PRDM16: variants seen among roughly 807,000 people sequenced by gnomAD.
PRDM16 encodes PR/SET domain 16.
In PRDM16, 23 loss-of-function variants were observed where a neutral mutation model predicts 110.6. That is an observed-to-expected ratio of 0.21 (90% CI 0.15 to 0.29). The LOEUF is 0.29. Among genes scored for constraint, PRDM16 ranks in the 10% least tolerant of loss-of-function variants. The probability of loss-of-function intolerance (pLI) is 1.00; values close to 1 mark genes in which losing one functional copy is unlikely to be tolerated. For synonymous variants in PRDM16, 799 were observed against 781.8 expected (o/e 1.02, Z -0.37); for missense variants, 1,615 against 1,794.3 (o/e 0.90, Z 1.81).
intron 3 of PRDM16, among the ~76,000 whole-genome samples, chr1:3,355,399 C>T (rs1230791960): frequency 1.3e-5 from 2 of 152,172 alleles, no homozygotes; most frequent in East Asian, 1.9e-4. Context: ...ATTTCTTCAG[C>T]CTGGCGGGGG....
At chr1:3,123,060 G>T (rs1464108665) in intron 1 of PRDM16, among the ~76,000 whole-genome samples, 1 of 152,258 alleles carries the variant, frequency 6.6e-6, no homozygotes, top group African/African-American at 2.4e-5. Flanking sequence ...AGAAGTCAGT[G>T]TTCTTCGGTG....
Position 3,425,555 on chromosome 1 carries a change from C to T in PRDM16, c.2940-26C>T, listed in dbSNP as rs1369257157. On this transcript the variant is annotated intron_variant, in intron 12 of 16. Transcript: ENST00000270722. This position sits in a 1 kb window ranked among gnomAD's most constrained non-coding sequence, Gnocchi z 6.9. ...CTGCCATGCAGAGCCGGGGCCTGCA[C>T]TGAGGAGCGCGTGTGCCCCTTCCAG... The T allele has an allele frequency of 5.0e-6, 8 of 1,611,014 alleles. No homozygotes were observed. In the South Asian group the frequency reaches 7.7e-5, roughly 16 times the overall value.
At chr1:3,126,047 G>A (rs536060640) in intron 1 of PRDM16, among the ~76,000 whole-genome samples, 2 of 152,330 alleles carry the variant, frequency 1.3e-5, no homozygotes, top group Middle Eastern at 3.4e-3. Flanking sequence ...TGCATTGATC[G>A]GGCTGGCTCG....
At chr1:3,117,361 A>G (rs985403236) in intron 1 of PRDM16, among the ~76,000 whole-genome samples, 7 of 152,156 alleles carry the variant, frequency 4.6e-5, no homozygotes, top group Non-Finnish European at 8.8e-5. Flanking sequence ...GATGGGGCCA[A>G]TTGGAACCAG....
intron 1 of PRDM16, among the ~76,000 whole-genome samples, chr1:3,171,512 A>C (rs1000541765): frequency 8.5e-5 from 13 of 152,162 alleles, no homozygotes; most frequent in African/African-American, 3.1e-4. Flanking sequence ...AGAGGTGGCC[A>C]TCCCAGGGTC....
chr1:3,273,696 G>A (rs907948455), intron 3 of PRDM16, among the ~76,000 whole-genome samples: 1 of 151,852 alleles, frequency 6.6e-6, no homozygotes, highest in Non-Finnish European at 1.5e-5. Flanking sequence ...CATGTGGCAG[G>A]TGTGTGTGCA....
rs114492844 is a variant in PRDM16 at position 3,194,204 on chromosome 1, G to A, written c.387+7730G>A. Among the ~76,000 whole-genome samples, 263 of 152,350 alleles carry A rather than the reference G, an allele frequency of 1.7e-3. 1 individual carries two copies. Among genetic ancestry groups the A allele is most frequent in the Non-Finnish European group, 3.2e-3 (219 of 68,034 alleles). On this transcript the variant is annotated intron_variant, in intron 2 of 16. Transcript: ENST00000270722. ...TGCAACGCTCAGTGCACACTGGGGG[G>A]CTATTTAGGATGGTTGTTGAGGGCA...
chr1:3,365,735 C>G (rs572488033), intron 3 of PRDM16, among the ~76,000 whole-genome samples: 1 of 152,226 alleles, frequency 6.6e-6, no homozygotes, highest in Non-Finnish European at 1.5e-5. Flanking sequence ...GCCGCGGCCT[C>G]GTTTCCATTC....
At position 3,290,589 on chromosome 1, in the gene PRDM16, G is replaced by A. The variant is rs1190077557; in HGVS notation, c.438+46452G>A. ...GAGGTGGCATCACTGAAGAAGCCCC[G>A]TGGCTCCGGCTCCGTCTGCAGGATC... On this transcript the variant is annotated intron_variant, in intron 3 of 16. Transcript: ENST00000270722. This position sits in a 1 kb window ranked among gnomAD's most constrained non-coding sequence, Gnocchi z 4.8. 6.6e-6 allele frequency among the ~76,000 whole-genome samples: 1 copy of A among 152,196 alleles called. No individual in the cohort carries two copies. The highest frequency in any genetic ancestry group is 2.4e-5 in the African/African-American group (1 of 41,458).
intron 1 of PRDM16, among the ~76,000 whole-genome samples, chr1:3,096,398 C>T (rs1183824706): frequency 6.6e-6 from 1 of 152,164 alleles, no homozygotes; most frequent in South Asian, 2.1e-4. Flanking sequence ...CACGCTCTCC[C>T]CTGGCCAAGT....
chr1:3,215,426 T>TGGGTCC (rs1557534853), intron 2 of PRDM16, among the ~76,000 whole-genome samples: 1 of 82,766 alleles, frequency 1.2e-5, no homozygotes, highest in African/African-American at 1.0e-4. Context: ...GCAAGGCCTA[T>TGGGTCC]TGGGGTCCAG....
At chr1:3,357,712 T>A (rs1642636301) in intron 3 of PRDM16, among the ~76,000 whole-genome samples, 1 of 152,198 alleles carries the variant, frequency 6.6e-6, no homozygotes, top group Non-Finnish European at 1.5e-5. Flanking sequence ...GCAGTGGCCT[T>A]CCAGCAGCAC....
intron 1 of PRDM16, among the ~76,000 whole-genome samples, chr1:3,145,864 G>C (rs1211595640): frequency 6.6e-6 from 1 of 152,222 alleles, no homozygotes; most frequent in East Asian, 1.9e-4. Context: ...GTCTGACTCT[G>C]TATCGCCCCA....
intron 3 of PRDM16, among the ~76,000 whole-genome samples, chr1:3,287,274 G>A (rs1477435674): frequency 2.2e-5 from 3 of 137,470 alleles, no homozygotes; most frequent in Non-Finnish European, 3.2e-5. Context: ...GAGGCGCCCC[G>A]CCACGCGGGC....
At chr1:3,283,675 G>A (rs1052158792) in intron 3 of PRDM16, among the ~76,000 whole-genome samples, 8 of 151,962 alleles carry the variant, frequency 5.3e-5, no homozygotes, top group South Asian at 2.1e-4. Context: ...GGTGGTCAGC[G>A]AAGGGTTATG....
At chr1:3,319,410 G>A (rs1392173499) in intron 3 of PRDM16, among the ~76,000 whole-genome samples, 2 of 152,216 alleles carry the variant, frequency 1.3e-5, no homozygotes, top group Non-Finnish European at 2.9e-5. Flanking sequence ...CCATGAGCGG[G>A]TCAGTGTTTG....
At chr1:3,319,475 G>A (rs935336137) in intron 3 of PRDM16, among the ~76,000 whole-genome samples, 8 of 152,156 alleles carry the variant, frequency 5.3e-5, no homozygotes, top group African/African-American at 1.7e-4. Context: ...CTCCTGGTCC[G>A]GTAGAGCTGA....
Position 3,432,070 on chromosome 1 carries a change from A to C in PRDM16, c.3626A>C (p.Lys1209Thr). 1 of 1,614,112 alleles carries C rather than the reference A, an allele frequency of 6.2e-7. No homozygotes were observed. ...GCAGCTGAGGAAGCATTTGAAGTTA[A>C]AGATGTGCTTAATTCCACCTTAGAT... Reference protein sequence around the residue: ...RRAAEEAFEVKDVLNSTLDSE... With the variant: ...RRAAEEAFEVTDVLNSTLDSE... The change falls in exon 16 of 17, where the codon AAA becomes ACA. Residue 1209 changes from lysine (K) to threonine (T), a missense_variant. Around this residue, in one of 5 missense-constraint regions of PRDM16, gnomAD observed 327 missense variants for 359.3 expected, o/e 0.91. Coordinates refer to ENST00000270722, the MANE Select transcript of PRDM16 (RefSeq NM_022114.4).
rs1014465467 is a variant in PRDM16, at chr1:3,213,406, G to A, written c.387+26932G>A. ...GGCGGGTCCTGGGCGTCTCGGCTCCGCCATTGTCATTAATTATAAAATTGG... is the reference window on the plus strand; with the variant it reads ...GGCGGGTCCTGGGCGTCTCGGCTCCACCATTGTCATTAATTATAAAATTGG... On this transcript the variant is annotated intron_variant, in intron 2 of 16. Coordinates refer to ENST00000270722, the MANE Select transcript of PRDM16 (RefSeq NM_022114.4). This position sits in a 1 kb window ranked among gnomAD's most constrained non-coding sequence, Gnocchi z 5.3. 6.6e-6 allele frequency among the ~76,000 whole-genome samples: 1 copy of A among 152,188 alleles called. No individual in the cohort carries two copies. Among genetic ancestry groups the A allele is most frequent in the Non-Finnish European group, 1.5e-5 (1 of 68,032 alleles).
Sources: allele counts gnomAD v4.1 joint callset (sites outside exome capture counted in the v4.1 genomes callset), GRCh38; gene constraint gnomAD v4.1.1; regional missense constraint gnomAD v4.1.1; non-coding constraint Gnocchi (gnomAD v3.1); transcripts MANE v1.5; gene names NCBI Gene and HGNC (gene_info 2026-07-23, HGNC 2026-07-21).